The following ZFAND6 variants were observed in gnomAD, a reference collection of about 807,000 sequenced individuals.
The protein encoded by ZFAND6 is zinc finger AN1-type containing 6.
In ZFAND6, 12 loss-of-function variants were observed where a neutral mutation model predicts 24.5. The observed-to-expected ratio is 0.49, with a 90% CI of 0.31 to 0.79. The LOEUF is 0.79. ZFAND6 is among the 30% of genes least tolerant of loss of function. The probability of loss-of-function intolerance (pLI) is 0.04; values close to 1 mark genes in which losing one functional copy is unlikely to be tolerated. For synonymous variants in ZFAND6, 92 were observed against 81.5 expected (o/e 1.13, Z -0.69); for missense variants, 207 against 245.9 (o/e 0.84, Z 1.06).
chr15:80,123,796 C>A (rs1432017752), intron 5 of ZFAND6, among the ~76,000 whole-genome samples: 1 of 152,176 alleles, frequency 6.6e-6, no homozygotes, highest in Non-Finnish European at 1.5e-5. Context: ...ATTGCTTGAG[C>A]CCAGGAATTC....
At position 80,098,473 on chromosome 15, in the gene ZFAND6, A is replaced by G. The variant is rs549465903; in HGVS notation, c.-123A>G. On this transcript the variant is annotated 5_prime_UTR_variant, in exon 2 of 7. Coordinates refer to ENST00000261749, the MANE Select transcript of ZFAND6 (RefSeq NM_019006.4). ...AGAAGGCTTTAAAATGTTTTCTTGCATAAAATTCAAAACTTTTAAGTAGCT... is the reference window on the plus strand; with the variant it reads ...AGAAGGCTTTAAAATGTTTTCTTGCGTAAAATTCAAAACTTTTAAGTAGCT... 2.6e-5 allele frequency: 4 copies of G among 152,226 alleles called. No homozygotes were observed. Among genetic ancestry groups the G allele is most frequent in the Non-Finnish European group, 5.9e-5 (4 of 68,040 alleles). The allele number at this position is 152,226 out of a possible 1,614,324, so 9.4% of individuals were successfully genotyped here.
chr15:80,094,945 G>A (rs2038630145), intron 1 of ZFAND6, among the ~76,000 whole-genome samples: 1 of 152,176 alleles, frequency 6.6e-6, no homozygotes, highest in South Asian at 2.1e-4. Flanking sequence ...GCTCGTTTTT[G>A]TATTTTTAGT....
At chr15:80,126,736 T>C (rs536884599) in intron 5 of ZFAND6, among the ~76,000 whole-genome samples, 1 of 152,324 alleles carries the variant, frequency 6.6e-6, no homozygotes, top group African/African-American at 2.4e-5. Context: ...CAGTGGTTTC[T>C]TAGATATGAC....
At chr15:80,123,706 T>A (rs1187194154) in intron 5 of ZFAND6, among the ~76,000 whole-genome samples, 1 of 152,138 alleles carries the variant, frequency 6.6e-6, no homozygotes, top group African/African-American at 2.4e-5. Flanking sequence ...AGTTTGAGAC[T>A]AGCCTGGACA....
intron 1 of ZFAND6, among the ~76,000 whole-genome samples, chr15:80,064,785 C>T (rs1038520658): frequency 1.3e-5 from 2 of 152,038 alleles, no homozygotes; most frequent in Admixed American, 6.6e-5. Flanking sequence ...GGATTACAGG[C>T]GTTCCCCACC....
intron 2 of ZFAND6, chr15:80,112,630 T>C (rs2039667555): frequency 2.7e-6 from 1 of 373,694 alleles, no homozygotes; most frequent in East Asian, 7.4e-5. Flanking sequence ...ACTCCTGACC[T>C]TGGGAGCTGC....
At chr15:80,110,428 A>G (rs1160088335) in intron 2 of ZFAND6, among the ~76,000 whole-genome samples, 1 of 152,220 alleles carries the variant, frequency 6.6e-6, no homozygotes, top group Non-Finnish European at 1.5e-5. Flanking sequence ...AGAACTAAAT[A>G]AACTGAGAGA....
intron 1 of ZFAND6, among the ~76,000 whole-genome samples, chr15:80,077,955 T>C (rs1166889047): frequency 6.6e-6 from 1 of 152,136 alleles, no homozygotes; most frequent in Non-Finnish European, 1.5e-5. Context: ...CGCCTCGGCC[T>C]CCCAAAGTGC....
intron 5 of ZFAND6, among the ~76,000 whole-genome samples, chr15:80,123,876 C>T (rs1251768854): frequency 6.6e-6 from 1 of 151,986 alleles, no homozygotes; most frequent in Non-Finnish European, 1.5e-5. Flanking sequence ...TTCCCCCACA[C>T]CCGGTCTCAA....
At chr15:80,089,259 GTTTTTTTTTT>G (rs71453501) in intron 1 of ZFAND6, among the ~76,000 whole-genome samples, 14 of 61,096 alleles carry the variant, frequency 2.3e-4, no homozygotes, top group African/African-American at 7.5e-4. Flanking sequence ...GAGTGTGTGT[GTTTTTTTTTT>G]TTTTTTTTTT....
intron 1 of ZFAND6, among the ~76,000 whole-genome samples, chr15:80,069,623 G>GTTAT (rs59745016): frequency 0.022 from 3,375 of 151,364 alleles, 121 homozygotes; most frequent in African/African-American, 0.071. Flanking sequence ...TTTATTTTTT[G>GTTAT]TTATTTATTT....
At chr15:80,117,698 T>C (rs2039945050) in intron 2 of ZFAND6, among the ~76,000 whole-genome samples, 1 of 152,182 alleles carries the variant, frequency 6.6e-6, no homozygotes, top group Non-Finnish European at 1.5e-5. Flanking sequence ...CGGTTTGTCA[T>C]GTAAAATGTT....
chr15:80,100,571 A>T (rs897079937), intron 2 of ZFAND6, among the ~76,000 whole-genome samples: 5 of 152,224 alleles, frequency 3.3e-5, no homozygotes, highest in African/African-American at 1.2e-4. Context: ...CTAGGATAGA[A>T]AGTACATGTA....
chr15:80,111,279 A>G (rs769216394), intron 2 of ZFAND6: 11 of 319,028 alleles, frequency 3.4e-5, no homozygotes, highest in African/African-American at 8.6e-5. Flanking sequence ...TGATGAACAT[A>G]TATCAGTCAT....
chr15:80,077,360 A>G (rs915135767), intron 1 of ZFAND6, among the ~76,000 whole-genome samples: 12 of 152,230 alleles, frequency 7.9e-5, no homozygotes, highest in African/African-American at 2.9e-4. Context: ...AATAAAATTG[A>G]CGTGAACAGA....
chr15:80,080,412 A>G (rs905278437), intron 1 of ZFAND6, among the ~76,000 whole-genome samples: 1 of 152,186 alleles, frequency 6.6e-6, no homozygotes, highest in Non-Finnish European at 1.5e-5. Flanking sequence ...TACCAAACCT[A>G]TATTTGCTGT....
intron 1 of ZFAND6, among the ~76,000 whole-genome samples, chr15:80,079,384 C>G (rs1214850114): frequency 6.6e-6 from 1 of 151,756 alleles, no homozygotes; most frequent in African/African-American, 2.4e-5. Context: ...CCACGCTTGG[C>G]TAATTTTTTG....
At chr15:80,124,260 T>G (rs994017149) in intron 5 of ZFAND6, among the ~76,000 whole-genome samples, 1 of 152,014 alleles carries the variant, frequency 6.6e-6, no homozygotes, top group East Asian at 1.9e-4. Context: ...GGTGAAACCC[T>G]GTCTCTACTA....
At chr15:80,116,211 G>A (rs941832840) in intron 2 of ZFAND6, among the ~76,000 whole-genome samples, 3 of 151,948 alleles carry the variant, frequency 2.0e-5, no homozygotes, top group African/African-American at 7.3e-5. Flanking sequence ...AAGAGTAAGG[G>A]TTTTTGTGAC....
Sources: allele counts gnomAD v4.1 joint callset (sites outside exome capture counted in the v4.1 genomes callset), GRCh38; gene constraint gnomAD v4.1.1; transcripts MANE v1.5; gene names NCBI Gene and HGNC (gene_info 2026-07-23, HGNC 2026-07-21).